Variants in NOL4L observed in about 807,000 individuals in gnomAD.
NOL4L encodes the protein nucleolar protein 4 like.
In NOL4L, 7 loss-of-function variants were observed where a neutral mutation model predicts 64.5. The observed-to-expected ratio is 0.11, with a 90% CI of 0.06 to 0.20. NOL4L has a LOEUF of 0.20. NOL4L is among the 10% of genes least tolerant of loss of function. The probability of loss-of-function intolerance (pLI) is 1.00; values close to 1 mark genes in which losing one functional copy is unlikely to be tolerated. For synonymous variants in NOL4L, 413 were observed against 401.0 expected (o/e 1.03, Z -0.36); for missense variants, 680 against 967.1 (o/e 0.70, Z 3.94).
At position 32,527,672 on chromosome 20, in the gene NOL4L, G is replaced by C; in HGVS notation, c.477+86C>G. The C allele has an allele frequency of 2.8e-6, 4 of 1,429,062 alleles. No homozygotes were observed. The South Asian group carries it at 4.4e-5, about 16-fold the overall frequency. 88.5% of individuals were successfully genotyped at this position (1,429,062 alleles called of 1,614,324 possible). A position where few individuals can be genotyped will look rare whatever the true frequency, so the allele number is the denominator to read the frequency against. On this transcript the variant is annotated intron_variant, in intron 2 of 10. Coordinates refer to ENST00000621426, the MANE Select transcript of NOL4L (RefSeq NM_001256798.2). ...TCATCACGCCTCAGCTCCCTGCCCC[G>C]CCCCCCAAGCCCAACATGTGCGGAG...
At chr20:32,511,177 A>T in intron 4 of NOL4L, 170 bp downstream of exon 4, 1 of 552,900 alleles carries the variant, frequency 1.8e-6, no homozygotes. Context: ...CACGAGAAAC[A>T]CATTCTTGCC....
At chr20:32,454,838 C>T (rs553362960) in intron 6 of NOL4L, among the ~76,000 whole-genome samples, 74 of 152,330 alleles carry the variant, frequency 4.9e-4, no homozygotes, top group Non-Finnish European at 8.2e-4. Flanking sequence ...TGGCACAGCC[C>T]GGAAGGGAAC....
chr20:32,562,649 A>T (rs62208018), intron 1 of NOL4L, among the ~76,000 whole-genome samples: 4 of 151,932 alleles, frequency 2.6e-5, no homozygotes, highest in African/African-American at 9.7e-5. Context: ...TCCTCCCCGG[A>T]GTCACCAGCC....
intron 4 of NOL4L, among the ~76,000 whole-genome samples, chr20:32,478,507 T>C (rs2015539090): frequency 6.6e-6 from 1 of 152,102 alleles, no homozygotes; most frequent in Admixed American, 6.5e-5. Context: ...ATGACTGCTT[T>C]CTCCCCAGCT....
intron 4 of NOL4L, among the ~76,000 whole-genome samples, chr20:32,488,675 AGTAGAT>A (rs1368391343): frequency 6.6e-6 from 1 of 152,052 alleles, no homozygotes; most frequent in African/African-American, 2.4e-5. Context: ...TGGGAATGTA[AGTAGAT>A]GTTTCTGTGC....
intron 1 of NOL4L, chr20:32,573,518 C>T (rs1979896739): frequency 6.5e-6 from 1 of 152,950 alleles, no homozygotes; most frequent in Admixed American, 6.5e-5. Context: ...ATCCCGATCA[C>T]AGCTTCCTTT....
At chr20:32,457,674 C>T (rs1256752570) in intron 5 of NOL4L, among the ~76,000 whole-genome samples, 1 of 152,164 alleles carries the variant, frequency 6.6e-6, no homozygotes, top group Non-Finnish European at 1.5e-5. Flanking sequence ...GCGCAGTGCA[C>T]CCCTCCCCCT....
At position 32,484,046 on chromosome 20, in the gene NOL4L, G is replaced by C. The variant is rs911720632; in HGVS notation, c.700-9304C>G. Among the ~76,000 whole-genome samples the C allele has an allele frequency of 2.6e-5, 4 of 151,988 alleles. No individual in the cohort carries two copies. In the East Asian group the frequency reaches 7.8e-4, roughly 29 times the overall value. On this transcript the variant is annotated intron_variant, in intron 4 of 10. Coordinates refer to ENST00000621426, the MANE Select transcript of NOL4L (RefSeq NM_001256798.2). ...CGGTCTCTGGGTCCGGTGGGGGCTGGGGGGAGAGGGCACCCGGCGGGCTGT... is the reference window on the plus strand; with the variant it reads ...CGGTCTCTGGGTCCGGTGGGGGCTGCGGGGAGAGGGCACCCGGCGGGCTGT...
At chr20:32,576,075 C>A (rs755401183) in intron 1 of NOL4L, among the ~76,000 whole-genome samples, 6 of 152,202 alleles carry the variant, frequency 3.9e-5, no homozygotes, top group African/African-American at 9.7e-5. Flanking sequence ...GCAGCCAGGG[C>A]CAGATCGCGC....
chr20:32,485,605 A>C (rs1381645349), intron 4 of NOL4L: 3 of 369,262 alleles, frequency 8.1e-6, no homozygotes, highest in Non-Finnish European at 1.7e-5. Flanking sequence ...TCCCCAGTTT[A>C]CTGGATCTTC....
intron 1 of NOL4L, among the ~76,000 whole-genome samples, chr20:32,563,821 C>T (rs1370448115): frequency 6.6e-6 from 1 of 152,202 alleles, no homozygotes. Flanking sequence ...GAGCCTGGGA[C>T]ATTGCCTGGT....
At chr20:32,531,366 C>T (rs992361709) in intron 1 of NOL4L, among the ~76,000 whole-genome samples, 1 of 147,240 alleles carries the variant, frequency 6.8e-6, no homozygotes, top group Non-Finnish European at 1.5e-5. Context: ...TATTTCTATA[C>T]CTTTTTTTTT....
At chr20:32,544,182 A>G (rs1157395469) in intron 1 of NOL4L, among the ~76,000 whole-genome samples, 2 of 152,040 alleles carry the variant, frequency 1.3e-5, no homozygotes, top group African/African-American at 2.4e-5. Context: ...ATGGAGAAGA[A>G]GGGGTGAGAG....
At chr20:32,536,417 A>C (rs570126409) in intron 1 of NOL4L, 9,279 of 609,796 alleles carry the variant, frequency 0.015, 94 homozygotes, top group Non-Finnish European at 0.017. Flanking sequence ...GGCCGCGCTA[A>C]TGACTGTTGA....
Position 32,447,429 on chromosome 20 carries a change from A to AAAAAAAAAT in NOL4L, c.*166_*167insATTTTTTTT. ...AAAAAAAAAAAAAAAAAAAAAAAAA[A>AAAAAAAAAT]GTGTCCTTGTGCCCAAAGTCTCAGG... On this transcript the variant is annotated 3_prime_UTR_variant, in exon 11 of 11. Coordinates refer to ENST00000621426, the MANE Select transcript of NOL4L (RefSeq NM_001256798.2). 2 of 757,712 alleles carry AAAAAAAAAT rather than the reference A, an allele frequency of 2.6e-6. No homozygotes were observed. Among genetic ancestry groups the AAAAAAAAAT allele is most frequent in the Non-Finnish European group, 4.0e-6 (2 of 494,144 alleles). The allele number at this position is 757,712 out of a possible 1,614,324, so 46.9% of individuals were successfully genotyped here. A position where few individuals can be genotyped will look rare whatever the true frequency, so the allele number is the denominator to read the frequency against.
chr20:32,583,891 A>AT (rs1555811135), intron 1 of NOL4L, among the ~76,000 whole-genome samples: 4 of 147,072 alleles, frequency 2.7e-5, no homozygotes, highest in Admixed American at 6.6e-5. Flanking sequence ...CCCCCGTCCC[A>AT]TGAAGGGGGA....
intron 5 of NOL4L, among the ~76,000 whole-genome samples, chr20:32,456,857 G>T (rs1450690684): frequency 1.3e-5 from 2 of 152,200 alleles, no homozygotes. Flanking sequence ...CAGAGCCCCT[G>T]CCCACGGTGG....
intron 1 of NOL4L, among the ~76,000 whole-genome samples, chr20:32,545,528 C>T (rs8124641): frequency 0.018 from 2,725 of 152,322 alleles, 61 homozygotes; most frequent in African/African-American, 0.061. Flanking sequence ...CATCCATCCA[C>T]TCATCCAGCA....
chr20:32,485,068 A>AC lies in NOL4L; in HGVS notation c.700-10327_700-10326insG, dbSNP rs1223859055. ...CTGTGGGGAAATTGCCAAAAAAAAA[A>AC]AAAAAAAAAAAAAAAAAAACAACTA... On this transcript the variant is annotated intron_variant, in intron 4 of 10. Coordinates refer to ENST00000621426, the MANE Select transcript of NOL4L (RefSeq NM_001256798.2). Among the ~76,000 whole-genome samples, 3 of 144,740 alleles carry AC rather than the reference A, an allele frequency of 2.1e-5. 1 individual carries two copies. Among genetic ancestry groups the AC allele is most frequent in the African/African-American group, 7.6e-5 (3 of 39,230 alleles). The allele number at this position is 144,740 out of a possible 152,430, so 95.0% of individuals were successfully genotyped here.
Sources: gnomAD v4.1 joint callset for allele counts (sites outside exome capture counted in the v4.1 genomes callset) on GRCh38, gnomAD v4.1.1 for gene constraint, MANE v1.5 for transcripts, NCBI Gene and HGNC (gene_info 2026-07-23, HGNC 2026-07-21) for gene names.